The following ABLIM2 variants were observed in gnomAD, a reference collection of about 807,000 sequenced individuals.
The protein encoded by ABLIM2 is actin binding LIM protein family member 2.
In ABLIM2, 53 loss-of-function variants were observed where a neutral mutation model predicts 97.7. The ratio of observed to expected loss-of-function variants is 0.54; its 90% confidence interval spans 0.44 to 0.68. The LOEUF is 0.68. Among genes scored for constraint, ABLIM2 ranks in the 30% least tolerant of loss-of-function variants. The pLI, the probability that ABLIM2 is intolerant of heterozygous loss-of-function variation, is 0.00. For synonymous variants in ABLIM2, 361 were observed against 345.8 expected (o/e 1.04, Z -0.49); for missense variants, 835 against 867.2 (o/e 0.96, Z 0.47).
chr4:8,140,528 T>TGTGGGAGCCACAC lies in ABLIM2; in HGVS notation c.10+18139_10+18151dup, dbSNP rs1033583811. 1.3e-5 allele frequency among the ~76,000 whole-genome samples: 2 copies of TGTGGGAGCCACAC among 152,140 alleles called. No homozygotes were observed. The highest frequency in any genetic ancestry group is 4.8e-5 in the African/African-American group (2 of 41,426). On this transcript the variant is annotated intron_variant, in intron 1 of 20. Coordinates refer to ENST00000447017, the MANE Select transcript of ABLIM2 (RefSeq NM_001130083.2). This position sits in a 1 kb window ranked among gnomAD's most constrained non-coding sequence, Gnocchi z 5.9. The stretch of plus-strand genomic sequence containing the variant: ...CAGTGACACGGGGGCCTTGCCTGCA[T>TGTGGGAGCCACAC]GTGGGAGCCACACGTGGCCTCTCTT...
At chr4:8,143,615 T>C (rs1851355331) in intron 1 of ABLIM2, among the ~76,000 whole-genome samples, 1 of 152,152 alleles carries the variant, frequency 6.6e-6, no homozygotes, top group Admixed American at 6.5e-5. Flanking sequence ...GATTTCTCTC[T>C]CAGGCCAGGT....
chr4:7,984,878 G>T lies in ABLIM2; in HGVS notation c.1696C>A (p.Pro566Thr), dbSNP rs767371840. ...CTGGCATCCGGGTCTGCTCCACAGG[G>T]GGCCAGATTGGCATTCTGGAAGAGA... ...GLDQRNANLA[P>T]CGADPDASWG... The change falls in exon 18 of 21, where the codon CCC (proline) becomes ACC (threonine). Residue 566 changes from proline (P) to threonine (T), a missense_variant. By Grantham distance (38) the Pro-to-Thr change is conservative. Coordinates refer to ENST00000447017, the MANE Select transcript of ABLIM2 (RefSeq NM_001130083.2). The T allele has an allele frequency of 6.2e-7, 1 of 1,608,962 alleles. No homozygotes were observed. Among genetic ancestry groups the T allele is most frequent in the Admixed American group, 1.7e-5 (1 of 59,366 alleles).
chr4:8,150,495 C>T lies in ABLIM2; in HGVS notation c.10+8185G>A, dbSNP rs573274595. ...ATGCTAGCCGCAGTGACACTGAGCA[C>T]TTTTCTTGGTGCGCTGGCTGGACTC... On this transcript the variant is annotated intron_variant, in intron 1 of 20. Transcript: ENST00000447017. This position sits in a 1 kb window ranked among gnomAD's most constrained non-coding sequence, Gnocchi z 6.3. Among the ~76,000 whole-genome samples, 37 of 152,334 alleles carry T rather than the reference C, an allele frequency of 2.4e-4. No homozygotes were observed. Among genetic ancestry groups the T allele is most frequent in the African/African-American group, 8.2e-4 (34 of 41,578 alleles).
chr4:8,056,305 CTTT>C (rs71175456), intron 7 of ABLIM2, among the ~76,000 whole-genome samples: 13 of 128,168 alleles, frequency 1.0e-4, no homozygotes, highest in Admixed American at 1.6e-4. Context: ...TTCTTTCTTT[CTTT>C]TTTTTTTTTT....
At position 7,999,908 on chromosome 4, in the gene ABLIM2, CCT is replaced by C. The variant is rs1755904076; in HGVS notation, c.1619-6983_1619-6982del. 6.6e-6 allele frequency among the ~76,000 whole-genome samples: 1 copy of C among 152,230 alleles called. No homozygotes were observed. Among genetic ancestry groups the C allele is most frequent in the African/African-American group, 2.4e-5 (1 of 41,462 alleles). ...CTGAGCCTCTTCTCCACAGGTCTGT[CCT>C]CTTCCAGGCTGGCTCATCAGAGGTC... On this transcript the variant is annotated intron_variant, in intron 16 of 20. Transcript: ENST00000447017. This position sits in a 1 kb window ranked among gnomAD's most constrained non-coding sequence, Gnocchi z 4.4.
At chr4:7,979,221 C>T (rs1736079797) in intron 20 of ABLIM2, among the ~76,000 whole-genome samples, 1 of 152,250 alleles carries the variant, frequency 6.6e-6, no homozygotes, top group Non-Finnish European at 1.5e-5. Context: ...CCGGCAAAGG[C>T]CCTTGTGCTA....
At chr4:7,968,930 C>A (rs1725311757) in intron 20 of ABLIM2, among the ~76,000 whole-genome samples, 1 of 151,930 alleles carries the variant, frequency 6.6e-6, no homozygotes, top group Non-Finnish European at 1.5e-5. Context: ...CACCTTAGGT[C>A]AGGAGTTCAA....
intron 6 of ABLIM2, 21 bp downstream of exon 6, chr4:8,077,607 G>T (rs1361607101): frequency 1.9e-6 from 3 of 1,587,668 alleles, no homozygotes; most frequent in Admixed American, 3.5e-5. Context: ...AGCGGGCAGG[G>T]GCCCGGCCCG....
At chr4:8,012,428 C>T (rs1352557126) in intron 14 of ABLIM2, among the ~76,000 whole-genome samples, 2 of 150,666 alleles carry the variant, frequency 1.3e-5, no homozygotes, top group Admixed American at 6.6e-5. Context: ...TTCATCTACC[C>T]GCCCACCCAT....
At position 8,123,953 on chromosome 4, in the gene ABLIM2, G is replaced by T. The variant is rs1846653120; in HGVS notation, c.11-17316C>A. On this transcript the variant is annotated intron_variant, in intron 1 of 20. Transcript: ENST00000447017. This position sits in a 1 kb window ranked among gnomAD's most constrained non-coding sequence, Gnocchi z 6.2. ...GATGACCTAAGGAATGCTACTCATGGCTAGAAACCCAAACAGTACATCAAA... is the reference window on the plus strand; with the variant it reads ...GATGACCTAAGGAATGCTACTCATGTCTAGAAACCCAAACAGTACATCAAA... 1.3e-5 allele frequency among the ~76,000 whole-genome samples: 2 copies of T among 152,164 alleles called. No homozygotes were observed. Among genetic ancestry groups the T allele is most frequent in the Non-Finnish European group, 2.9e-5 (2 of 68,032 alleles).
At chr4:8,060,835 C>T (rs1011206471) in intron 7 of ABLIM2, 132 bp downstream of exon 7, 16 of 747,964 alleles carry the variant, frequency 2.1e-5, no homozygotes, top group Admixed American at 1.8e-4. Context: ...GCCGGCTCCC[C>T]GCTGTGGCTG....
chr4:7,974,498 C>G (rs1731271751), intron 20 of ABLIM2, among the ~76,000 whole-genome samples: 1 of 145,268 alleles, frequency 6.9e-6, no homozygotes, highest in Admixed American at 6.9e-5. Context: ...TATCTATCCA[C>G]CCATTAATCC....
At chr4:8,139,227 A>G (rs1411490380) in intron 1 of ABLIM2, among the ~76,000 whole-genome samples, 1 of 138,186 alleles carries the variant, frequency 7.2e-6, no homozygotes, top group Non-Finnish European at 1.6e-5. Flanking sequence ...GGGAAAAGGG[A>G]AAAGGGAAGG....
In ABLIM2 at chr4:7,986,817, C is replaced by T. The variant is rs886697929; in HGVS notation, c.1681-1924G>A. ...CCTCCTGAGCAGCTGGGATTACAGG[C>T]GCCTACCACCACGGCGAGATAATTT... On this transcript the variant is annotated intron_variant, in intron 17 of 20. Coordinates refer to ENST00000447017, the MANE Select transcript of ABLIM2 (RefSeq NM_001130083.2). This position sits in a 1 kb window ranked among gnomAD's most constrained non-coding sequence, Gnocchi z 4.3. Among the ~76,000 whole-genome samples the T allele has an allele frequency of 9.2e-5, 14 of 152,174 alleles. No homozygotes were observed. Among genetic ancestry groups the T allele is most frequent in the East Asian group, 5.8e-4 (3 of 5,162 alleles).
In ABLIM2 at chr4:7,992,824, C is replaced by G. The variant is rs776524188; in HGVS notation, c.1680+42G>C. 6 of 1,596,944 alleles carry G rather than the reference C, an allele frequency of 3.8e-6. No homozygotes were observed. Among genetic ancestry groups the G allele is most frequent in the Non-Finnish European group, 5.1e-6 (6 of 1,168,276 alleles). On this transcript the variant is annotated intron_variant, in intron 17 of 20. Coordinates refer to ENST00000447017, the MANE Select transcript of ABLIM2 (RefSeq NM_001130083.2). This position sits in a 1 kb window ranked among gnomAD's most constrained non-coding sequence, Gnocchi z 5.7. ...GTGGGAAACGTGCTCAGCCTCACAG[C>G]AATCGTTAGTACCCTGTGGCCAGGG... is the stretch of plus-strand genomic sequence containing the variant.
rs1454719419 is a variant in ABLIM2 at position 8,002,895 on chromosome 4, C to G, written c.1618+5164G>C. ...CTTCAAGCCGTGCCAGGTACCGTCT[C>G]TCTGCACTGACTACTTACTGTATTT... On this transcript the variant is annotated intron_variant, in intron 16 of 20. Transcript: ENST00000447017. The surrounding 1 kb of genome is among the most constrained non-coding windows in gnomAD (Gnocchi z 6.1). Among the ~76,000 whole-genome samples, 2 of 152,238 alleles carry G rather than the reference C, an allele frequency of 1.3e-5. No individual in the cohort carries two copies. The highest frequency in any genetic ancestry group is 2.1e-4 in the South Asian group (1 of 4,832).
rs575069953 is a variant in ABLIM2 at position 8,147,832 on chromosome 4, G to A, written c.10+10848C>T. ...TCCCAGCTTGTGGTCACTGGTGACC[G>A]CAGCCCCTAGACACTCACAGGTGGC... On this transcript the variant is annotated intron_variant, in intron 1 of 20. Transcript: ENST00000447017. This position sits in a 1 kb window ranked among gnomAD's most constrained non-coding sequence, Gnocchi z 5.3. 8.5e-5 allele frequency among the ~76,000 whole-genome samples: 13 copies of A among 152,318 alleles called. 1 individual carries two copies. The East Asian group carries it at 2.5e-3, about 29-fold the overall frequency.
In ABLIM2 at chr4:7,999,405, T is replaced by C. The variant is rs1300927342; in HGVS notation, c.1619-6478A>G. 6.6e-6 allele frequency among the ~76,000 whole-genome samples: 1 copy of C among 152,184 alleles called. No individual in the cohort carries two copies. Among genetic ancestry groups the C allele is most frequent in the Non-Finnish European group, 1.5e-5 (1 of 68,030 alleles). On this transcript the variant is annotated intron_variant, in intron 16 of 20. Transcript: ENST00000447017. The surrounding 1 kb of genome is among the most constrained non-coding windows in gnomAD (Gnocchi z 4.4). The stretch of plus-strand genomic sequence containing the variant: ...CCCTTTACATATTCAGAGATTTCAC[T>C]TGACTCTCACCAGCCTACACACTAA...
chr4:8,146,406 A>G (rs567089488), intron 1 of ABLIM2, among the ~76,000 whole-genome samples: 9 of 152,368 alleles, frequency 5.9e-5, no homozygotes, highest in African/African-American at 1.9e-4. Context: ...CGTCACCTAC[A>G]AAGTCAGATA....
Sources: gnomAD v4.1 joint callset for allele counts (sites outside exome capture counted in the v4.1 genomes callset) on GRCh38, gnomAD v4.1.1 for gene constraint, Gnocchi (gnomAD v3.1) non-coding constraint, MANE v1.5 for transcripts, NCBI Gene and HGNC (gene_info 2026-07-23, HGNC 2026-07-21) for gene names.